Variants in SHKBP1 observed in about 807,000 individuals in gnomAD.
SHKBP1 encodes the protein SH3KBP1 binding protein 1.
SHKBP1 carries 71 observed loss-of-function variants against 83.9 expected under a neutral mutation model. That is an observed-to-expected ratio of 0.85 (90% CI 0.70 to 1.03). The LOEUF is 1.03. Ranked by LOEUF, SHKBP1 falls within the 50% of genes least tolerant of loss-of-function variation. The pLI is 0.00. For missense variants in SHKBP1, 824 were observed against 982.4 expected, an observed-to-expected ratio of 0.84 and a Z score of 2.16; for synonymous variants, 371 against 398.0, an observed-to-expected ratio of 0.93 and a Z score of 0.81.
Position 40,590,710 on chromosome 19 carries a change from C to G in SHKBP1, c.1769-20C>G, listed in dbSNP as rs1308714817. Reference sequence around the variant, plus strand: ...TATGACCCCTGTCTTGCCCCCTGACCCTGCTTCCGTGCCCCCCAGCAGGTG... The same window carrying G: ...TATGACCCCTGTCTTGCCCCCTGACGCTGCTTCCGTGCCCCCCAGCAGGTG... On this transcript the variant is annotated intron_variant, in intron 16 of 17. Coordinates refer to ENST00000291842, the MANE Select transcript of SHKBP1 (RefSeq NM_138392.4). The surrounding 1 kb of genome is among the most constrained non-coding windows in gnomAD (Gnocchi z 4.6). 2.0e-5 allele frequency: 32 copies of G among 1,566,078 alleles called. No homozygotes were observed. Among genetic ancestry groups the G allele is most frequent in the Non-Finnish European group, 2.6e-5 (30 of 1,150,914 alleles).
chr19:40,578,356 G>T, intron 5 of SHKBP1, 106 bp from the exon 6 acceptor site: 1 of 1,473,184 alleles, frequency 6.8e-7, no homozygotes, highest in Non-Finnish European at 9.5e-7. Context: ...GTCTGTATTC[G>T]TACTGGGAGG....
Position 40,590,999 on chromosome 19 carries a change from C to A in SHKBP1, c.1916C>A (p.Thr639Asn), listed in dbSNP as rs759687875. The change falls in exon 18 of 18, where the codon ACC becomes AAC. Residue 639 changes from threonine to asparagine, a missense_variant. Physicochemically the swap from Thr to Asn is moderately conservative, Grantham distance 65. Coordinates refer to ENST00000291842, the MANE Select transcript of SHKBP1 (RefSeq NM_138392.4). The surrounding 1 kb of genome is among the most constrained non-coding windows in gnomAD (Gnocchi z 4.6). ...LTSLHSASSN[T>N]SLSGHRGSPS... is the part of the protein sequence containing the mutation. ...AGCCTCCACTCAGCCTCCAGCAACA[C>A]CTCCTTGTCTGGCCACCGTGGGAGC... 6.2e-7 allele frequency: 1 copy of A among 1,609,320 alleles called. No individual in the cohort carries two copies. Among genetic ancestry groups the A allele is most frequent in the Non-Finnish European group, 8.5e-7 (1 of 1,176,274 alleles).
rs1599834814 is a variant in SHKBP1, at chr19:40,577,127, C to T, written c.87-104C>T. ...GGAGGCGCGAGATTCTGGAAAAACGCCGGGGGAGGGGGAAGGGGAGGGAAC... is the reference window on the plus strand; with the variant it reads ...GGAGGCGCGAGATTCTGGAAAAACGTCGGGGGAGGGGGAAGGGGAGGGAAC... On this transcript the variant is annotated intron_variant, in intron 1 of 17. Transcript: ENST00000291842. 2.1e-6 allele frequency: 3 copies of T among 1,463,376 alleles called. No individual in the cohort carries two copies. The South Asian group carries it at 3.6e-5, about 18-fold the overall frequency. 90.6% of individuals were successfully genotyped at this position (1,463,376 alleles called of 1,614,324 possible).
At chr19:40,587,325 C>T (rs925362348) in intron 13 of SHKBP1, among the ~76,000 whole-genome samples, 3 of 152,158 alleles carry the variant, frequency 2.0e-5, no homozygotes, top group African/African-American at 7.2e-5. Flanking sequence ...TGCGGTGGCT[C>T]ACACCTATAA....
At position 40,591,031 on chromosome 19, in the gene SHKBP1, C is replaced by T. The variant is rs1296119763; in HGVS notation, c.1948C>T (p.Pro650Ser). ...GTCTGGCCACCGTGGGAGCCCAAGC[C>T]CCCCGCAGGCTGAGGCCCGGCGCCG... is the stretch of plus-strand genomic sequence containing the variant. ...SLSGHRGSPS[P>S]PQAEARRRGG... The change falls in exon 18 of 18, where the codon CCC becomes TCC. Residue 650 changes from proline to serine, a missense_variant. Pro to Ser is a moderately conservative substitution (Grantham distance 74). Transcript: ENST00000291842. 1 of 1,612,932 alleles carries T rather than the reference C, an allele frequency of 6.2e-7. No individual in the cohort carries two copies. Among genetic ancestry groups the T allele is most frequent in the South Asian group, 1.1e-5 (1 of 90,980 alleles).
chr19:40,585,801 A>G (rs116394864), intron 12 of SHKBP1: 2 of 152,072 alleles, frequency 1.3e-5, no homozygotes, highest in African/African-American at 4.8e-5. Flanking sequence ...TCGTCTCCCA[A>G]AGTGCTGGAA....
intron 9 of SHKBP1, 90 bp downstream of exon 9, chr19:40,581,026 A>G: frequency 8.0e-7 from 1 of 1,247,846 alleles, no homozygotes. Flanking sequence ...TCAAACCCAT[A>G]AGAATTCTCT....
chr19:40,584,354 C>G (rs413901), intron 12 of SHKBP1, among the ~76,000 whole-genome samples: 60,446 of 152,010 alleles, frequency 0.4, 12,814 homozygotes, highest in African/African-American at 0.54. Flanking sequence ...AGCAGATGAA[C>G]CTGAGTTCTC....
At chr19:40,582,261 C>CA (rs2081275899) in intron 9 of SHKBP1, 90 bp from the exon 10 acceptor site, 1 of 994,978 alleles carries the variant, frequency 1.0e-6, no homozygotes, top group Non-Finnish European at 1.6e-6. Flanking sequence ...TCTGTGGTCC[C>CA]ACTGAACCCT....
rs1291151080 is a variant in SHKBP1 at position 40,580,594 on chromosome 19, C to A, written c.591C>A (p.Arg197=). The A allele has an allele frequency of 1.2e-6, 2 of 1,614,068 alleles. No individual in the cohort carries two copies. Among genetic ancestry groups the A allele is most frequent in the East Asian group, 4.5e-5 (2 of 44,894 alleles). Residue 197 remains arginine, a synonymous_variant, in exon 8 of 18, where the codon CGC becomes CGA. Transcript: ENST00000291842. ...AACCTGAGGAGCCGGGGATGGTGCG[C>A]CTGGTGTGTGGACACCATAATTGGA... The part of the protein sequence containing the change: ...SGQPEEPGMV[R]LVCGHHNWIA...
At position 40,583,653 on chromosome 19, in the gene SHKBP1, G is replaced by C. The variant is rs1568391020; in HGVS notation, c.1101G>C (p.Glu367Asp). The stretch of plus-strand genomic sequence containing the variant: ...AAGACAACGACCTCCTTGTCAGCGA[G>C]CTCTATCGGGACCCAGCGGAGGATG... ...RMKDNDLLVS[E>D]LYRDPAEDGV... The change falls in exon 12 of 18, where the codon GAG becomes GAC. Residue 367 changes from glutamate (E) to aspartate (D), a missense_variant. By Grantham distance (45) the Glu-to-Asp change is conservative (BLOSUM62 2). Coordinates refer to ENST00000291842, the MANE Select transcript of SHKBP1 (RefSeq NM_138392.4). 6.2e-7 allele frequency: 1 copy of C among 1,613,922 alleles called. No homozygotes were observed.
At position 40,586,776 on chromosome 19, in the gene SHKBP1, G is replaced by A; in HGVS notation, c.1168G>A (p.Asp390Asn). The A allele has an allele frequency of 6.3e-7, 1 of 1,578,818 alleles. No homozygotes were observed. Among genetic ancestry groups the A allele is most frequent in the Non-Finnish European group, 8.6e-7 (1 of 1,157,530 alleles). The change falls in exon 13 of 18, where the codon GAC (aspartate) becomes AAC (asparagine). Residue 390 changes from aspartate (D) to asparagine (N), a missense_variant and splice_region_variant. Around this residue, in one of 3 missense-constraint regions of SHKBP1, gnomAD observed 182 missense variants for 273.1 expected, o/e 0.67. Coordinates refer to ENST00000291842, the MANE Select transcript of SHKBP1 (RefSeq NM_138392.4). ...CCTCATCCTTGGCCCCTCACCAGGT[G>A]ACAGTGGGAACTGGATCGAGATCGC... ...LSVYLTPKTSDSGNWIEIAYG... is the reference protein window; with the variant it reads ...LSVYLTPKTSNSGNWIEIAYG...
At chr19:40,582,590 G>GCT in intron 10 of SHKBP1, 124 bp downstream of exon 10, 1 of 748,150 alleles carries the variant, frequency 1.3e-6, no homozygotes, top group Non-Finnish European at 2.2e-6. Context: ...AGAACCAGCA[G>GCT]CTGGCCAGAG....
intron 6 of SHKBP1, among the ~76,000 whole-genome samples, chr19:40,579,433 A>G (rs1024406934): frequency 3.3e-5 from 5 of 152,210 alleles, no homozygotes; most frequent in Non-Finnish European, 5.9e-5. Flanking sequence ...AGGCCGAGAC[A>G]GGTGGATTAC....
At chr19:40,583,047 G>A (rs765015640) in intron 10 of SHKBP1, among the ~76,000 whole-genome samples, 2 of 150,690 alleles carry the variant, frequency 1.3e-5, no homozygotes, top group Non-Finnish European at 3.0e-5. Flanking sequence ...AGTGACTCCC[G>A]CCCGTAATCC....
In SHKBP1 at chr19:40,591,058, G is replaced by A. The variant is rs774176762; in HGVS notation, c.1975G>A (p.Gly659Ser). ...SPPQAEARRR[G>S]GGSFVERCQE... ...CCCGCAGGCTGAGGCCCGGCGCCGT[G>A]GTGGGGGCAGCTTTGTGGAACGCTG... is the stretch of plus-strand genomic sequence containing the variant. The change falls in exon 18 of 18, where the codon GGT becomes AGT. Residue 659 changes from glycine to serine, a missense_variant. Gly to Ser is a moderately conservative substitution (Grantham distance 56). Around this residue, in one of 3 missense-constraint regions of SHKBP1, gnomAD observed 287 missense variants for 322.9 expected, o/e 0.89. Coordinates refer to ENST00000291842, the MANE Select transcript of SHKBP1 (RefSeq NM_138392.4). 1 of 1,612,956 alleles carries A rather than the reference G, an allele frequency of 6.2e-7. No individual in the cohort carries two copies. The highest frequency in any genetic ancestry group is 8.5e-7 in the Non-Finnish European group (1 of 1,179,234).
chr19:40,591,144 C>T lies in SHKBP1; in HGVS notation c.2061C>T (p.Pro687=). ...GGCCACCCACACCAGCCCCGTGGCC[C>T]TCCAGCGGTCTCGGCACTCCCCTCA... ...LRRPPTPAPW[P]SSGLGTPLTP... is the part of the protein sequence containing the mutation. Residue 687 remains proline, a synonymous_variant, in exon 18 of 18, where the codon CCC becomes CCT. Transcript: ENST00000291842. The T allele has an allele frequency of 6.2e-7, 1 of 1,605,392 alleles. No individual in the cohort carries two copies. Among genetic ancestry groups the T allele is most frequent in the Non-Finnish European group, 8.5e-7 (1 of 1,172,978 alleles).
In SHKBP1 at chr19:40,590,742, C is replaced by T. The variant is rs148094508; in HGVS notation, c.1781C>T (p.Thr594Met). Residue 594 changes from threonine to methionine, a missense_variant, in exon 17 of 18, where the codon ACG becomes ATG. Transcript: ENST00000291842. This position sits in a 1 kb window ranked among gnomAD's most constrained non-coding sequence, Gnocchi z 4.6. ...GLGQAPAGGL[T>M]EQELMEQLEH... ...CCGTGCCCCCCAGCAGGTGGCCTGA[C>T]GGAGCAAGAGCTGATGGAACAGCTG... 184 of 1,592,778 alleles carry T rather than the reference C, an allele frequency of 1.2e-4. No individual in the cohort carries two copies. The highest frequency in any genetic ancestry group is 1.4e-4 in the East Asian group (6 of 44,222).
chr19:40,587,288 C>G (rs1285167419), intron 13 of SHKBP1, among the ~76,000 whole-genome samples: 2 of 152,234 alleles, frequency 1.3e-5, no homozygotes, highest in South Asian at 4.1e-4. Flanking sequence ...GACAATAAAT[C>G]TATAAAAATG....
Sources: gnomAD v4.1 joint callset for allele counts (sites outside exome capture counted in the v4.1 genomes callset) on GRCh38, gnomAD v4.1.1 for gene constraint, gnomAD v4.1.1 regional missense constraint, Gnocchi (gnomAD v3.1) non-coding constraint, MANE v1.5 for transcripts, NCBI Gene and HGNC (gene_info 2026-07-23, HGNC 2026-07-21) for gene names.